Variants in CCDC171 observed in about 807,000 individuals in gnomAD.
CCDC171 encodes the protein coiled-coil domain containing 171.
CCDC171 carries 177 observed loss-of-function variants against 168.2 expected under a neutral mutation model. That is an observed-to-expected ratio of 1.05 (90% CI 0.93 to 1.19). The LOEUF is 1.19. CCDC171 is among the 50% of genes most tolerant of loss of function. The pLI, the probability that CCDC171 is intolerant of heterozygous loss-of-function variation, is 0.00. For missense variants in CCDC171, 1,991 were observed against 1,539.0 expected, an observed-to-expected ratio of 1.29 and a Z score of -4.91; for synonymous variants, 687 against 540.8, an observed-to-expected ratio of 1.27 and a Z score of -3.75.
chr9:15,564,595 G>C (rs2039575009), intron 2 of CCDC171, among the ~76,000 whole-genome samples: 2 of 152,166 alleles, frequency 1.3e-5, no homozygotes, highest in African/African-American at 4.8e-5. Flanking sequence ...TACCCTTCAA[G>C]ACGTAACGCC....
At chr9:16,066,445 TCCTC>T (rs1833991172), downstream of CCDC171, among the ~76,000 whole-genome samples, 1 of 148,678 alleles carries the variant, frequency 6.7e-6, no homozygotes, top group Non-Finnish European at 1.5e-5. Context: ...TGTGTTTTCT[TCCTC>T]TTTTTCTTTT....
the CCDC171 span, among the ~76,000 whole-genome samples, chr9:16,095,881 T>C: frequency 1.4e-5 from 2 of 140,998 alleles, no homozygotes; most frequent in African/African-American, 5.7e-5. Context: ...TATATATATA[T>C]ATATATATAT....
chr9:16,042,096 C>G (rs908003631), upstream of CCDC171, among the ~76,000 whole-genome samples: 1 of 152,178 alleles, frequency 6.6e-6, no homozygotes, highest in Admixed American at 6.5e-5. Flanking sequence ...ATGACTTTCC[C>G]AGACTCAGTC....
chr9:16,064,870 C>T (rs1031394458), downstream of CCDC171, among the ~76,000 whole-genome samples: 9 of 152,314 alleles, frequency 5.9e-5, no homozygotes, highest in African/African-American at 1.7e-4. Context: ...CATGGTTTTC[C>T]GGTATTCTAA....
At chr9:15,679,962 G>T (rs1198471728) in intron 10 of CCDC171, among the ~76,000 whole-genome samples, 1 of 152,044 alleles carries the variant, frequency 6.6e-6, no homozygotes, top group African/African-American at 2.4e-5. Context: ...ATCCTGTGAT[G>T]CCCAGCTCTG....
At chr9:15,746,117 C>A (rs1331131271) in intron 18 of CCDC171, among the ~76,000 whole-genome samples, 1 of 152,104 alleles carries the variant, frequency 6.6e-6, no homozygotes, top group Non-Finnish European at 1.5e-5. Context: ...TGTGGAACCA[C>A]CTATTATCAG....
At chr9:15,986,155 A>G (rs1406427868) in intron 3 of CCDC171, among the ~76,000 whole-genome samples, 1 of 152,242 alleles carries the variant, frequency 6.6e-6, no homozygotes, top group African/African-American at 2.4e-5. Context: ...TCTTAAAATC[A>G]GTTCTAAAAC....
At chr9:15,741,203 G>A (rs187241402) in intron 16 of CCDC171, among the ~76,000 whole-genome samples, 3 of 152,286 alleles carry the variant, frequency 2.0e-5, no homozygotes, top group East Asian at 3.9e-4. Flanking sequence ...TGTGTTCACA[G>A]TATTGCACAA....
chr9:15,640,734 G>T (rs949005474), intron 7 of CCDC171, among the ~76,000 whole-genome samples: 6 of 152,140 alleles, frequency 3.9e-5, no homozygotes, highest in African/African-American at 1.4e-4. Context: ...CTTATAGACA[G>T]TTCTTAATTA....
intron 4 of CCDC171, among the ~76,000 whole-genome samples, chr9:16,021,864 G>A (rs936953703): frequency 3.3e-5 from 5 of 152,228 alleles, no homozygotes; most frequent in Admixed American, 1.3e-4. Context: ...TCTGAGTGAG[G>A]CCCATGCAGA....
chr9:15,761,753 C>G (rs1158489553), intron 18 of CCDC171, among the ~76,000 whole-genome samples: 2 of 152,132 alleles, frequency 1.3e-5, no homozygotes, highest in Non-Finnish European at 2.9e-5. Context: ...AGCTGCTAGT[C>G]TCTATTTTGG....
chr9:15,627,170 T>C (rs552557671), intron 7 of CCDC171, among the ~76,000 whole-genome samples: 3 of 152,312 alleles, frequency 2.0e-5, no homozygotes, highest in Admixed American at 2.0e-4. Context: ...ATATCCCCTT[T>C]ATCATTTTTT....
At chr9:15,904,455 T>A (rs1367818165) in intron 24 of CCDC171, among the ~76,000 whole-genome samples, 2 of 151,834 alleles carry the variant, frequency 1.3e-5, no homozygotes, top group East Asian at 3.9e-4. Context: ...TAAAATCCTT[T>A]ACACACAAGC....
chr9:16,046,340 C>G (rs1377530228), intron 1 of CCDC171, among the ~76,000 whole-genome samples: 1 of 152,078 alleles, frequency 6.6e-6, no homozygotes, highest in Non-Finnish European at 1.5e-5. Context: ...CTTTTTGAGG[C>G]CCAAACCAGA....
At position 15,738,620 on chromosome 9, in the gene CCDC171, AT is replaced by A. The variant is rs563667508; in HGVS notation, c.2050-5642del. On this transcript the variant is annotated intron_variant, in intron 16 of 25. Coordinates refer to ENST00000380701, the MANE Select transcript of CCDC171 (RefSeq NM_173550.4). ...AATCTCCTTGGGTGGAAAACATTCG[AT>A]TTTTTTTTTTAAAGCAAATTTGCTC... Among the ~76,000 whole-genome samples the A allele has an allele frequency of 6.7e-3, 990 of 148,156 alleles. 5 individuals carry two copies. The highest frequency in any genetic ancestry group is 0.014 in the South Asian group (68 of 4,696).
chr9:15,989,352 C>T (rs111346428), intron 3 of CCDC171, among the ~76,000 whole-genome samples: 4 of 152,294 alleles, frequency 2.6e-5, no homozygotes, highest in African/African-American at 9.6e-5. Context: ...TCCAACAGAC[C>T]TGCAGCTGAG....
At chr9:15,841,827 G>A (rs2060693408) in intron 21 of CCDC171, among the ~76,000 whole-genome samples, 1 of 151,566 alleles carries the variant, frequency 6.6e-6, no homozygotes, top group Non-Finnish European at 1.5e-5. Context: ...TGTAAATTTG[G>A]TTGTTGTATC....
At chr9:15,660,487 A>G (rs1245063850) in intron 8 of CCDC171, among the ~76,000 whole-genome samples, 4 of 152,076 alleles carry the variant, frequency 2.6e-5, no homozygotes, top group Non-Finnish European at 5.9e-5. Context: ...TTTTCCCTCT[A>G]GTAGTCCCCA....
exon 4 of CCDC171, chr9:16,020,650 TACTGTGACATGGCA>T (rs1833137650): frequency 6.5e-6 from 1 of 154,350 alleles, no homozygotes; most frequent in Non-Finnish European, 1.5e-5. Flanking sequence ...TGAACACAAG[TACTGTGACATGGCA>T]ACCAAGATGG....
Sources: gnomAD v4.1 joint callset for allele counts (sites outside exome capture counted in the v4.1 genomes callset) on GRCh38, gnomAD v4.1.1 for gene constraint, MANE v1.5 for transcripts, NCBI Gene and HGNC (gene_info 2026-07-23, HGNC 2026-07-21) for gene names.